GAB2: variants seen among roughly 807,000 people sequenced by gnomAD.
GAB2 encodes GRB2-associated-binding protein 2.
A neutral mutation model predicts 65.5 loss-of-function variants in GAB2; 26 were observed. The ratio of observed to expected loss-of-function variants is 0.40; its 90% CI spans 0.29 to 0.55. GAB2 has a LOEUF of 0.55. Ranked by LOEUF, GAB2 falls within the 20% of genes least tolerant of loss-of-function variation. The pLI, the probability that GAB2 is intolerant of heterozygous loss-of-function variation, is 0.53. For synonymous variants in GAB2, 321 were observed against 329.6 expected (o/e 0.97, Z 0.28); for missense variants, 884 against 875.8 (o/e 1.01, Z -0.12).
chr11:78,230,628 T>C (rs1226432543), intron 3 of GAB2, among the ~76,000 whole-genome samples: 1 of 152,256 alleles, frequency 6.6e-6, no homozygotes, highest in African/African-American at 2.4e-5. Flanking sequence ...TCCTGTACCC[T>C]GGCATAGTGC....
rs139599011 is a variant in GAB2, at chr11:78,397,568, A to G, written c.75+20078T>C. Among the ~76,000 whole-genome samples the G allele has an allele frequency of 7.9e-4, 120 of 152,350 alleles. 1 individual carries two copies. Among genetic ancestry groups the G allele is most frequent in the Admixed American group, 2.7e-3 (41 of 15,306 alleles). On this transcript the variant is annotated intron_variant, in intron 1 of 9. Coordinates refer to ENST00000361507, the MANE Select transcript of GAB2 (RefSeq NM_080491.3). ...AATTAGTCCTAAGAACATATGAGGA[A>G]ATGAGGGCACAGAGGTGAAATGGCA...
chr11:78,332,031 T>C (rs371288057), intron 1 of GAB2, among the ~76,000 whole-genome samples: 6 of 152,238 alleles, frequency 3.9e-5, no homozygotes, highest in East Asian at 3.9e-4. Flanking sequence ...TCCCTTTGCC[T>C]CTAGGAAAAG....
At chr11:78,223,698 G>C (rs1864537518) in intron 5 of GAB2, 22 bp from the exon 6 acceptor site, 2 of 1,559,234 alleles carry the variant, frequency 1.3e-6, no homozygotes, top group African/African-American at 2.7e-5. Flanking sequence ...AACAGTGAAA[G>C]AAATACAGCT....
intron 3 of GAB2, among the ~76,000 whole-genome samples, chr11:78,232,483 A>T (rs1864873136): frequency 6.6e-6 from 1 of 152,256 alleles, no homozygotes. Flanking sequence ...AGAGAAAAAG[A>T]ACTCTATTTG....
intron 2 of GAB2, among the ~76,000 whole-genome samples, chr11:78,279,840 T>A (rs1292161156): frequency 1.3e-5 from 2 of 152,234 alleles, no homozygotes; most frequent in African/African-American, 4.8e-5. Context: ...TTGGCTATTA[T>A]GAATAATACT....
chr11:78,388,784 C>T (rs1486473083), intron 1 of GAB2, among the ~76,000 whole-genome samples: 15 of 152,186 alleles, frequency 9.9e-5, no homozygotes, highest in Admixed American at 9.8e-4. Flanking sequence ...TCTATTCCCA[C>T]CATCAGTCCT....
At chr11:78,242,501 C>CA (rs1280671808) in intron 3 of GAB2, among the ~76,000 whole-genome samples, 2,570 of 139,874 alleles carry the variant, frequency 0.018, 71 homozygotes, top group African/African-American at 0.065. Flanking sequence ...GACTCCGTCT[C>CA]AAAACAAAAA....
intron 3 of GAB2, among the ~76,000 whole-genome samples, chr11:78,245,026 G>A (rs540839631): frequency 2.0e-5 from 3 of 152,254 alleles, no homozygotes; most frequent in South Asian, 2.1e-4. Flanking sequence ...CCAAGATAAT[G>A]GAATCAACCT....
intron 3 of GAB2, among the ~76,000 whole-genome samples, chr11:78,231,471 C>A (rs1864852940): frequency 1.3e-5 from 2 of 152,026 alleles, no homozygotes; most frequent in South Asian, 2.1e-4. Context: ...TGCCTCAGCA[C>A]CCTGAGTAGC....
intron 2 of GAB2, among the ~76,000 whole-genome samples, chr11:78,258,520 C>T (rs948353706): frequency 4.6e-5 from 7 of 152,160 alleles, no homozygotes; most frequent in African/African-American, 1.7e-4. Flanking sequence ...TTTTTTTCCC[C>T]TCAATGAGAA....
chr11:78,250,780 A>C (rs561462675), intron 2 of GAB2, among the ~76,000 whole-genome samples: 3 of 152,318 alleles, frequency 2.0e-5, no homozygotes, highest in South Asian at 4.1e-4. Flanking sequence ...TGGTCAAAGG[A>C]TGAAATCATG....
intron 1 of GAB2, among the ~76,000 whole-genome samples, chr11:78,393,404 A>G (rs1856858425): frequency 6.6e-6 from 1 of 152,240 alleles, no homozygotes. Flanking sequence ...ATATGAGCCA[A>G]TAATACATGA....
chr11:78,352,018 G>T (rs1293590656), intron 1 of GAB2, among the ~76,000 whole-genome samples: 1 of 152,052 alleles, frequency 6.6e-6, no homozygotes, highest in Non-Finnish European at 1.5e-5. Context: ...TTCAAGACCA[G>T]CTGGGCAGCA....
At chr11:78,378,416 C>T (rs1181030753) in intron 1 of GAB2, among the ~76,000 whole-genome samples, 1 of 152,148 alleles carries the variant, frequency 6.6e-6, no homozygotes, top group Non-Finnish European at 1.5e-5. Context: ...CTTAAATTTA[C>T]CTGAGTTGGT....
At chr11:78,411,411 A>G (rs535796435) in intron 1 of GAB2, among the ~76,000 whole-genome samples, 5 of 152,192 alleles carry the variant, frequency 3.3e-5, no homozygotes, top group Non-Finnish European at 5.9e-5. Flanking sequence ...ACTTTGAAAA[A>G]TAAGAATAAA....
intron 1 of GAB2, among the ~76,000 whole-genome samples, chr11:78,397,485 A>C (rs976323775): frequency 3.3e-4 from 50 of 152,266 alleles, no homozygotes; most frequent in Non-Finnish European, 6.5e-4. Context: ...AAGGAGCTTC[A>C]TAATTCATTC....
intron 1 of GAB2, among the ~76,000 whole-genome samples, chr11:78,408,982 G>A (rs962068644): frequency 2.6e-5 from 4 of 152,112 alleles, no homozygotes; most frequent in Non-Finnish European, 2.9e-5. Flanking sequence ...ACAGCAGTGC[G>A]AGAACGGATT....
intron 2 of GAB2, 22 bp downstream of exon 2, chr11:78,280,579 A>G: frequency 3.1e-6 from 5 of 1,588,330 alleles, no homozygotes; most frequent in Non-Finnish European, 4.3e-6. Context: ...CCTATGAGAA[A>G]GATCTGTGTG....
At chr11:78,337,343 G>T (rs898369652) in intron 1 of GAB2, among the ~76,000 whole-genome samples, 2 of 152,190 alleles carry the variant, frequency 1.3e-5, no homozygotes, top group African/African-American at 2.4e-5. Flanking sequence ...CTACTATGCG[G>T]GGGTTTCCTT....
Sources: allele counts gnomAD v4.1 joint callset (sites outside exome capture counted in the v4.1 genomes callset), GRCh38; gene constraint gnomAD v4.1.1; transcripts MANE v1.5; gene names NCBI Gene and HGNC (gene_info 2026-07-23, HGNC 2026-07-21).